NUP93: variants seen among roughly 807,000 people sequenced by gnomAD.
The protein encoded by NUP93 is nucleoporin 93.
A neutral mutation model predicts 107.8 loss-of-function variants in NUP93; 55 were observed. The ratio of observed to expected loss-of-function variants is 0.51; its 90% CI spans 0.41 to 0.64. The LOEUF is 0.64. NUP93 is among the 30% of genes least tolerant of loss of function. The probability of loss-of-function intolerance (pLI) is 0.00; values close to 1 mark genes in which losing one functional copy is unlikely to be tolerated. For missense variants in NUP93, 937 were observed against 1,044.7 expected (o/e 0.90, Z 1.42); for synonymous variants, 390 against 397.5 (o/e 0.98, Z 0.22).
chr16:56,770,282 G>A (rs79306067), intron 3 of NUP93, among the ~76,000 whole-genome samples: 1,898 of 152,300 alleles, frequency 0.012, 62 homozygotes, highest in Admixed American at 0.074. Flanking sequence ...GGCTGGTGCC[G>A]TGTCCTGTTT....
intron 3 of NUP93, among the ~76,000 whole-genome samples, chr16:56,780,150 GT>G (rs1453783633): frequency 2.6e-5 from 4 of 152,172 alleles, no homozygotes; most frequent in Non-Finnish European, 5.9e-5. Flanking sequence ...TCCTTGTGCA[GT>G]TTTCTCAGCT....
intron 3 of NUP93, among the ~76,000 whole-genome samples, chr16:56,775,818 A>G (rs771759296): frequency 1.8e-4 from 28 of 152,286 alleles, no homozygotes; most frequent in Non-Finnish European, 7.4e-5. Context: ...CCCATAGACA[A>G]GGCCACCCCT....
chr16:56,790,144 G>A (rs1323241196), intron 3 of NUP93, among the ~76,000 whole-genome samples: 2 of 146,232 alleles, frequency 1.4e-5, no homozygotes, highest in Non-Finnish European at 3.0e-5. Flanking sequence ...ACAAGCAGTG[G>A]TACTTTAAAT....
At chr16:56,818,425 A>G (rs569315985) in intron 5 of NUP93, among the ~76,000 whole-genome samples, 1 of 152,332 alleles carries the variant, frequency 6.6e-6, no homozygotes, top group South Asian at 2.1e-4. Flanking sequence ...GATAGGGTTT[A>G]TGCAGCCCCT....
intron 4 of NUP93, among the ~76,000 whole-genome samples, chr16:56,803,793 A>T (rs1381826513): frequency 1.3e-5 from 2 of 151,940 alleles, no homozygotes; most frequent in Non-Finnish European, 2.9e-5. Flanking sequence ...GTTTTCTGTG[A>T]CAGTCTTGCT....
intron 2 of NUP93, among the ~76,000 whole-genome samples, chr16:56,750,273 A>C (rs538821976): frequency 6.6e-6 from 1 of 152,188 alleles, no homozygotes; most frequent in East Asian, 1.9e-4. Context: ...AAGAAACCAA[A>C]GGGCTGATGA....
At chr16:56,764,822 G>A (rs1411791702) in intron 3 of NUP93, among the ~76,000 whole-genome samples, 6 of 152,194 alleles carry the variant, frequency 3.9e-5, no homozygotes. Context: ...GCTTGAATCA[G>A]TCAAGGGAAA....
intron 10 of NUP93, 39 bp from the exon 11 acceptor site, chr16:56,831,803 T>G: frequency 6.3e-7 from 1 of 1,589,230 alleles, no homozygotes; most frequent in East Asian, 2.2e-5. Flanking sequence ...GGATTTTTAT[T>G]GAGTATGTAT....
intron 2 of NUP93, among the ~76,000 whole-genome samples, chr16:56,753,853 G>A (rs1961967938): frequency 6.6e-6 from 1 of 152,094 alleles, no homozygotes; most frequent in Non-Finnish European, 1.5e-5. Flanking sequence ...CAATATCTTG[G>A]CTATAACAAG....
At chr16:56,798,426 G>C (rs1347049554) in intron 3 of NUP93, 50 bp from the exon 4 acceptor site, 1 of 1,523,742 alleles carries the variant, frequency 6.6e-7, no homozygotes, top group African/African-American at 1.4e-5. Context: ...GTATACTTTT[G>C]ATTTTTTGAA....
chr16:56,767,450 T>G (rs1962235087), intron 3 of NUP93, among the ~76,000 whole-genome samples: 1 of 152,204 alleles, frequency 6.6e-6, no homozygotes, highest in South Asian at 2.1e-4. Context: ...AGAATGTAAG[T>G]GGGAGTATGG....
chr16:56,760,423 G>T (rs1201332525), intron 3 of NUP93, among the ~76,000 whole-genome samples: 2 of 152,140 alleles, frequency 1.3e-5, no homozygotes, highest in Non-Finnish European at 2.9e-5. Context: ...TAAAGAAAGA[G>T]GTTCAATTGG....
At chr16:56,781,888 G>A (rs548837254) in intron 3 of NUP93, 26 of 985,308 alleles carry the variant, frequency 2.6e-5, no homozygotes, top group South Asian at 4.7e-5. Context: ...TTTGTGTAGC[G>A]CACAACGAAT....
At chr16:56,743,020 T>C (rs1483570306) in intron 1 of NUP93, among the ~76,000 whole-genome samples, 1 of 152,192 alleles carries the variant, frequency 6.6e-6, no homozygotes, top group Non-Finnish European at 1.5e-5. Flanking sequence ...ATCTACAAAA[T>C]CCTGAAGGGG....
chr16:56,739,000 C>T (rs1961658155), intron 1 of NUP93, among the ~76,000 whole-genome samples: 1 of 146,712 alleles, frequency 6.8e-6, no homozygotes, highest in Admixed American at 6.9e-5. Context: ...GTGGACAACA[C>T]AGCACATGTT....
intron 2 of NUP93, among the ~76,000 whole-genome samples, chr16:56,755,527 A>G (rs1197155980): frequency 6.6e-6 from 1 of 152,074 alleles, no homozygotes; most frequent in Admixed American, 6.6e-5. Context: ...GGTGATGAAA[A>G]TATTCTAAAA....
intron 1 of NUP93, among the ~76,000 whole-genome samples, chr16:56,746,225 C>T (rs1027490366): frequency 1.3e-5 from 2 of 152,044 alleles, no homozygotes; most frequent in Admixed American, 1.3e-4. Context: ...TGGTGAATGA[C>T]CATGGTTTCG....
chr16:56,818,617 G>A (rs1238253124), intron 5 of NUP93, 47 bp from the exon 6 acceptor site: 9 of 1,408,568 alleles, frequency 6.4e-6, no homozygotes, highest in African/African-American at 1.4e-5. Flanking sequence ...TTCTTCACAT[G>A]ACTGAATACT....
rs1371456489 is a variant in NUP93 at position 56,844,598 on chromosome 16, C to T, written c.2449C>T (p.Leu817Phe). ...TNARLVQMEVLMN is the reference protein window; with the variant it reads ...TNARLVQMEVFMN ...TGCGAGGCTGGTGCAGATGGAGGTC[C>T]TCATGAATTAAGTGCCATGCTTTGT... Residue 817 changes from leucine to phenylalanine, a missense_variant, in exon 22 of 22, where the codon CTC (leucine) becomes TTC (phenylalanine). Coordinates refer to ENST00000308159, the MANE Select transcript of NUP93 (RefSeq NM_014669.5). 3 of 1,591,222 alleles carry T rather than the reference C, an allele frequency of 1.9e-6. No individual in the cohort carries two copies. The highest frequency in any genetic ancestry group is 2.3e-5 in the South Asian group (2 of 87,762).
Sources: gnomAD v4.1 joint callset for allele counts (sites outside exome capture counted in the v4.1 genomes callset) on GRCh38, gnomAD v4.1.1 for gene constraint, MANE v1.5 for transcripts, NCBI Gene and HGNC (gene_info 2026-07-23, HGNC 2026-07-21) for gene names.